HYDIN: variants seen among roughly 807,000 people sequenced by gnomAD.
HYDIN encodes axonemal central pair apparatus protein HYDIN.
HYDIN carries 132 observed loss-of-function variants against 403.9 expected under a neutral mutation model. The ratio of observed to expected loss-of-function variants is 0.33; its 90% CI spans 0.28 to 0.38. HYDIN has a LOEUF of 0.38. HYDIN is among the 10% of genes least tolerant of loss of function. HYDIN has a pLI of 1.00. For missense variants in HYDIN, 2,827 were observed against 5,009.5 expected (o/e 0.56, Z 13.15); for synonymous variants, 1,202 against 1,891.7 (o/e 0.64, Z 9.46).
intron 18 of HYDIN, among the ~76,000 whole-genome samples, chr16:71,055,898 G>C (rs1160589312): frequency 6.6e-6 from 1 of 152,094 alleles, no homozygotes; most frequent in East Asian, 1.9e-4. Context: ...GCCGAGCAAG[G>C]CACTTCCTCT....
At chr16:71,213,267 G>C (rs2088692159) in intron 1 of HYDIN, among the ~76,000 whole-genome samples, 1 of 152,104 alleles carries the variant, frequency 6.6e-6, no homozygotes, top group African/African-American at 2.4e-5. Context: ...ATGGTCAACA[G>C]TGAAGTGATT....
At chr16:71,030,967 G>T (rs558024174) in intron 19 of HYDIN, among the ~76,000 whole-genome samples, 1 of 151,784 alleles carries the variant, frequency 6.6e-6, no homozygotes, top group Non-Finnish European at 1.5e-5. Flanking sequence ...TTGGGAGGCC[G>T]AGGCAGGTGG....
intron 21 of HYDIN, among the ~76,000 whole-genome samples, chr16:71,023,219 T>C (rs555639681): frequency 6.6e-6 from 1 of 151,604 alleles, no homozygotes; most frequent in South Asian, 2.1e-4. Flanking sequence ...TCCTTTTACA[T>C]GTCTCATGGA....
intron 23 of HYDIN, among the ~76,000 whole-genome samples, chr16:71,012,481 T>G (rs1350737440): frequency 4.6e-5 from 7 of 152,204 alleles, no homozygotes; most frequent in Admixed American, 2.0e-4. Context: ...TTCTTAGATG[T>G]GACATGAGGG....
At chr16:70,860,369 T>C (rs1047182710) in intron 70 of HYDIN, among the ~76,000 whole-genome samples, 163 bp from the exon 71 acceptor site, 2 of 144,050 alleles carry the variant, frequency 1.4e-5, no homozygotes, top group Admixed American at 1.3e-4. Context: ...CCTCTAGCGA[T>C]CCACAGTCAG....
chr16:70,906,378 C>A (rs1277108145), intron 50 of HYDIN, among the ~76,000 whole-genome samples: 1 of 151,804 alleles, frequency 6.6e-6, no homozygotes, highest in Middle Eastern at 3.2e-3. Flanking sequence ...GACATGATTG[C>A]GTAGGAGTCT....
chr16:70,939,083 T>A (rs1597371307), intron 43 of HYDIN, among the ~76,000 whole-genome samples: 1 of 152,282 alleles, frequency 6.6e-6, no homozygotes, highest in South Asian at 2.1e-4. Flanking sequence ...GGGGGCCCAG[T>A]CTAATTATAA....
chr16:70,829,531 G>C lies in HYDIN; in HGVS notation c.14112+87C>G, dbSNP rs1597061065. Reference sequence around the variant, plus strand: ...TTACAGGCATGAGCCACCACGCCCAGCCCCAAAGTGTCTTTTAACCTCATT... The same window carrying C: ...TTACAGGCATGAGCCACCACGCCCACCCCCAAAGTGTCTTTTAACCTCATT... On this transcript the variant is annotated intron_variant, in intron 81 of 85. Transcript: ENST00000393567. The C allele has an allele frequency of 1.4e-5, 13 of 962,346 alleles. 1 individual carries two copies. The South Asian group carries it at 2.0e-4, about 15-fold the overall frequency. The allele number at this position is 962,346 out of a possible 1,614,324, so 59.6% of individuals were successfully genotyped here.
chr16:70,919,627 CA>C (rs2076937789), intron 46 of HYDIN, among the ~76,000 whole-genome samples: 2 of 151,912 alleles, frequency 1.3e-5, no homozygotes, highest in African/African-American at 4.8e-5. Context: ...TGAGGCTGAT[CA>C]TTTAAGGTCA....
At chr16:70,922,854 A>G (rs566619611) in intron 45 of HYDIN, among the ~76,000 whole-genome samples, 4 of 134,190 alleles carry the variant, frequency 3.0e-5, no homozygotes, top group East Asian at 2.2e-4. Context: ...TGTGGCCTCA[A>G]TTTTCTGGGC....
intron 41 of HYDIN, among the ~76,000 whole-genome samples, chr16:70,944,221 T>G (rs1312166665): frequency 6.6e-6 from 1 of 152,226 alleles, no homozygotes; most frequent in African/African-American, 2.4e-5. Context: ...GCACCTATCT[T>G]GCACCAGGCA....
intron 50 of HYDIN, among the ~76,000 whole-genome samples, chr16:70,905,997 A>G (rs868014424): frequency 3.4e-4 from 51 of 151,448 alleles, no homozygotes; most frequent in African/African-American, 1.3e-3. Context: ...AATGGAGGAC[A>G]AAGATGGCCC....
rs767880635 is a variant in HYDIN, at chr16:71,184,948, C to T, written c.178G>A (p.Glu60Lys). Residue 60 changes from glutamate to lysine, a missense_variant, in exon 3 of 86, where the codon GAG (glutamate) becomes AAG (lysine). Transcript: ENST00000393567. ...AAACGTGTTTTTGCCAGTCTCTGCT[C>T]GGTGGTCAGGGACATTTCCTTCAGG... ...EFLKEMSLTT[E>K]QRLAKTRLMC... 1.5e-5 allele frequency: 24 copies of T among 1,610,500 alleles called. No homozygotes were observed. The highest frequency in any genetic ancestry group is 2.7e-5 in the African/African-American group (2 of 74,866).
chr16:70,897,248 G>C (rs1355043893), intron 53 of HYDIN, among the ~76,000 whole-genome samples: 2 of 152,042 alleles, frequency 1.3e-5, no homozygotes, highest in African/African-American at 2.4e-5. Context: ...GGGTCCATCT[G>C]TCCAGGAAAA....
chr16:71,205,832 G>A (rs1411594027), intron 1 of HYDIN, among the ~76,000 whole-genome samples: 2 of 152,176 alleles, frequency 1.3e-5, no homozygotes, highest in African/African-American at 2.4e-5. Flanking sequence ...GTAGCCAAGT[G>A]GACAACTAAG....
chr16:70,850,857 TAG>T (rs1242706831), intron 73 of HYDIN, among the ~76,000 whole-genome samples: 16 of 152,130 alleles, frequency 1.1e-4, no homozygotes, highest in Non-Finnish European at 2.4e-4. Context: ...TGGAAAAAGA[TAG>T]AGATCCTAGA....
intron 45 of HYDIN, 146 bp from the exon 46 acceptor site, chr16:70,921,363 G>A: frequency 1.4e-6 from 1 of 711,330 alleles, no homozygotes; most frequent in Non-Finnish European, 2.3e-6. Context: ...TTGTGCCTGG[G>A]AATCATCTTG....
At chr16:71,004,869 G>T (rs553191400) in intron 23 of HYDIN, among the ~76,000 whole-genome samples, 1 of 151,934 alleles carries the variant, frequency 6.6e-6, no homozygotes, top group African/African-American at 2.4e-5. Context: ...TAAAAATGGG[G>T]ATATTTGAAA....
chr16:70,836,064 A>T (rs990940899), intron 77 of HYDIN, among the ~76,000 whole-genome samples: 31 of 152,014 alleles, frequency 2.0e-4, no homozygotes, highest in Non-Finnish European at 4.0e-4. Context: ...TATGTAGGAA[A>T]ATCTCAGGGC....
Sources: allele counts gnomAD v4.1 joint callset (sites outside exome capture counted in the v4.1 genomes callset), GRCh38; gene constraint gnomAD v4.1.1; transcripts MANE v1.5; gene names NCBI Gene and HGNC (gene_info 2026-07-23, HGNC 2026-07-21).